The following KLHL13 variants were observed in gnomAD, a reference collection of about 807,000 sequenced individuals.
The protein encoded by KLHL13 is kelch-like protein 13.
Under a neutral mutation model 37.1 loss-of-function variants are expected in KLHL13, and 10 were observed. The observed-to-expected ratio is 0.27, with a 90% CI of 0.17 to 0.46. The LOEUF (loss-of-function observed/expected upper bound fraction) is 0.46. KLHL13 is among the 20% of genes least tolerant of loss of function. The pLI, the probability that KLHL13 is intolerant of heterozygous loss-of-function variation, is 1.00. For missense variants in KLHL13, 360 were observed against 509.3 expected (o/e 0.71, Z 2.82); for synonymous variants, 163 against 181.2 (o/e 0.90, Z 0.81).
chrX:117,973,740 G>T, upstream of KLHL13: 1 of 789,674 alleles, frequency 1.3e-6, no homozygotes, highest in Non-Finnish European at 1.5e-6. Flanking sequence ...GCTCTTAATA[G>T]CAGTCCTCAG....
intron 1 of KLHL13, among the ~76,000 whole-genome samples, chrX:118,008,144 T>C (rs2054008324): frequency 9.0e-6 from 1 of 111,547 alleles, no homozygotes; most frequent in African/African-American, 3.3e-5. Context: ...AAATAGAACA[T>C]TACACAACTG....
At chrX:117,952,027 T>G (rs1933638001) in intron 1 of KLHL13, among the ~76,000 whole-genome samples, 1 of 111,666 alleles carries the variant, frequency 9.0e-6, no homozygotes, top group Non-Finnish European at 1.9e-5. Flanking sequence ...TACCAATGAC[T>G]TTCTTCACAG....
chrX:118,029,022 CA>C (rs1204270020), intron 1 of KLHL13, among the ~76,000 whole-genome samples: 2 of 111,252 alleles, frequency 1.8e-5, no homozygotes, highest in Non-Finnish European at 3.8e-5. Flanking sequence ...TCTCAGTTAT[CA>C]AAAAAACATA....
intron 1 of KLHL13, among the ~76,000 whole-genome samples, chrX:118,017,815 G>C (rs1230221992): frequency 1.8e-5 from 2 of 111,396 alleles, no homozygotes; most frequent in African/African-American, 3.3e-5. Context: ...TACAGTGTTT[G>C]GCACTCTTTC....
At chrX:118,040,333 T>A (rs145849509) in intron 1 of KLHL13, among the ~76,000 whole-genome samples, 2,139 of 111,392 alleles carry the variant, frequency 0.019, 48 homozygotes, top group African/African-American at 0.065. Context: ...TCAAAATAGC[T>A]GTTTTGATGA....
intron 1 of KLHL13, among the ~76,000 whole-genome samples, chrX:118,016,363 C>G (rs1316167706): frequency 9.0e-6 from 1 of 111,387 alleles, no homozygotes; most frequent in Non-Finnish European, 1.9e-5. Flanking sequence ...ATACTAAATT[C>G]AGTTAGCCTA....
intron 1 of KLHL13, among the ~76,000 whole-genome samples, chrX:118,028,734 A>G (rs926528294): frequency 8.9e-6 from 1 of 112,286 alleles, no homozygotes; most frequent in Non-Finnish European, 1.9e-5. Context: ...CTATTGACTA[A>G]ATTTCATGTG....
chrX:118,031,621 A>G (rs1028859463), intron 1 of KLHL13, among the ~76,000 whole-genome samples: 1 of 98,193 alleles, frequency 1.0e-5, no homozygotes, highest in Admixed American at 1.2e-4. Flanking sequence ...ATATATATTT[A>G]GTTGTATATA....
chrX:117,982,032 G>T (rs1031051735), intron 1 of KLHL13, among the ~76,000 whole-genome samples: 1 of 110,409 alleles, frequency 9.1e-6, no homozygotes, highest in Non-Finnish European at 1.9e-5. Context: ...TACATGCTCA[G>T]TGAGTTATTT....
At chrX:118,016,790 A>C (rs1054139139) in intron 1 of KLHL13, among the ~76,000 whole-genome samples, 2 of 111,430 alleles carry the variant, frequency 1.8e-5, no homozygotes, top group African/African-American at 6.5e-5. Context: ...ATGGGTCTTG[A>C]GGAACAAGTA....
chrX:117,939,924 G>A (rs1454251149), intron 2 of KLHL13, among the ~76,000 whole-genome samples: 6 of 111,501 alleles, frequency 5.4e-5, no homozygotes, highest in African/African-American at 2.0e-4. Flanking sequence ...TTCTTTTGGT[G>A]TGCAGAAGCT....
intron 1 of KLHL13, among the ~76,000 whole-genome samples, chrX:118,020,423 A>T (rs2054190635): frequency 8.9e-6 from 1 of 111,747 alleles, no homozygotes; most frequent in Non-Finnish European, 1.9e-5. Context: ...AGAGAAATGC[A>T]AATCAAAACC....
chrX:117,900,842 G>A (rs1023048749), intron 6 of KLHL13, among the ~76,000 whole-genome samples: 3 of 110,925 alleles, frequency 2.7e-5, no homozygotes, highest in African/African-American at 6.6e-5. Flanking sequence ...GTCAATACCA[G>A]AGGTGGTCAT....
At chrX:117,921,846 C>T (rs974216588) in intron 2 of KLHL13, among the ~76,000 whole-genome samples, 2 of 112,008 alleles carry the variant, frequency 1.8e-5, no homozygotes, top group Admixed American at 1.9e-4. Context: ...CAGCCACTCT[C>T]CCTCTAGGGA....
chrX:118,032,392 C>T (rs1341572879), intron 1 of KLHL13, among the ~76,000 whole-genome samples: 1 of 111,893 alleles, frequency 8.9e-6, no homozygotes, highest in Non-Finnish European at 1.9e-5. Flanking sequence ...AGCTGGAGAT[C>T]TGAGAACGGG....
chrX:118,069,109 T>TCTCACACACACACACACACACA (rs2054825820), intron 1 of KLHL13, among the ~76,000 whole-genome samples: 4 of 84,005 alleles, frequency 4.8e-5, no homozygotes, highest in African/African-American at 1.9e-4. Flanking sequence ...TCCAGAAGAG[T>TCTCACACACACACACACACACA]CACACACACA....
At chrX:118,105,162 C>T (rs2055332958) in intron 1 of KLHL13, among the ~76,000 whole-genome samples, 1 of 112,481 alleles carries the variant, frequency 8.9e-6, no homozygotes, top group African/African-American at 3.2e-5. Flanking sequence ...TTCAATAAGA[C>T]CTCCTTTAAA....
chrX:117,898,962 T>A, exon 7 of KLHL13: 1 of 1,210,450 alleles, frequency 8.3e-7, no homozygotes, highest in Non-Finnish European at 1.1e-6. Context: ...TTTCTTCTGG[T>A]GGAAAAACTG....
chrX:118,033,865 A>G (rs1288862884), intron 1 of KLHL13, among the ~76,000 whole-genome samples: 2 of 106,522 alleles, frequency 1.9e-5, no homozygotes, highest in Non-Finnish European at 3.9e-5. Flanking sequence ...GCAGAGACAC[A>G]CATAGGCTCA....
Sources: gnomAD v4.1 joint callset for allele counts (sites outside exome capture counted in the v4.1 genomes callset) on GRCh38, gnomAD v4.1.1 for gene constraint, MANE v1.5 for transcripts, NCBI Gene and HGNC (gene_info 2026-07-23, HGNC 2026-07-21) for gene names.